RASEF: variants seen among roughly 807,000 people sequenced by gnomAD.
RASEF encodes the protein RAS and EF-hand domain containing.
Under a neutral mutation model 90.1 loss-of-function variants are expected in RASEF, and 68 were observed. That is an observed-to-expected ratio of 0.75 (90% confidence interval 0.62 to 0.92). The LOEUF (loss-of-function observed/expected upper bound fraction) is 0.92, where lower values mean the gene tolerates loss of function less well. RASEF is among the 40% of genes least tolerant of loss of function. The pLI is 0.00. For missense variants in RASEF, 949 were observed against 937.2 expected (o/e 1.01, Z -0.16); for synonymous variants, 331 against 345.2 (o/e 0.96, Z 0.46).
chr9:83,073,008 A>G, the RASEF span, among the ~76,000 whole-genome samples: 1 of 152,190 alleles, frequency 6.6e-6, no homozygotes, highest in East Asian at 1.9e-4. Context: ...AAGTAAAATC[A>G]CACAGCTAGT....
chr9:83,178,395 C>A, the RASEF span, among the ~76,000 whole-genome samples: 1 of 152,178 alleles, frequency 6.6e-6, no homozygotes, highest in Non-Finnish European at 1.5e-5. Flanking sequence ...ATTCCAGCCA[C>A]TCCCAGCCAT....
chr9:83,009,348 C>T (rs1035570970), intron 6 of RASEF, among the ~76,000 whole-genome samples: 1 of 152,140 alleles, frequency 6.6e-6, no homozygotes, highest in Non-Finnish European at 1.5e-5. Context: ...CTTCAAAACA[C>T]TTTAATAAGT....
the RASEF span, among the ~76,000 whole-genome samples, chr9:83,125,608 C>T: frequency 6.6e-6 from 1 of 152,058 alleles, no homozygotes; most frequent in Admixed American, 6.5e-5. Flanking sequence ...TTCTGAAATC[C>T]ACCACTCCCC....
At chr9:83,038,853 G>A (rs1343845203) in intron 1 of RASEF, among the ~76,000 whole-genome samples, 2 of 151,956 alleles carry the variant, frequency 1.3e-5, no homozygotes, top group Non-Finnish European at 2.9e-5. Context: ...CAATTCTATG[G>A]CCACTCTAGT....
chr9:83,038,596 TA>T (rs1232437357), intron 1 of RASEF, among the ~76,000 whole-genome samples: 1 of 152,178 alleles, frequency 6.6e-6, no homozygotes, highest in African/African-American at 2.4e-5. Context: ...ATTCCAGTAC[TA>T]TTTTGCACAT....
chr9:83,070,388 C>G, the RASEF span, among the ~76,000 whole-genome samples: 1 of 152,112 alleles, frequency 6.6e-6, no homozygotes, highest in Non-Finnish European at 1.5e-5. Flanking sequence ...ACACTATCCT[C>G]TCCCTGTTGA....
the RASEF span, among the ~76,000 whole-genome samples, chr9:83,178,591 C>T: frequency 6.6e-6 from 1 of 152,166 alleles, no homozygotes; most frequent in South Asian, 2.1e-4. Flanking sequence ...TAAGCTCCAG[C>T]ACCACGAATC....
intron 5 of RASEF, among the ~76,000 whole-genome samples, chr9:83,010,408 G>C (rs1255550599): frequency 6.6e-6 from 1 of 152,168 alleles, no homozygotes; most frequent in African/African-American, 2.4e-5. Context: ...TGACTTAAAT[G>C]CACTTCTAGA....
chr9:83,002,666 T>A (rs1201314924), intron 9 of RASEF, among the ~76,000 whole-genome samples: 1 of 152,030 alleles, frequency 6.6e-6, no homozygotes, highest in Non-Finnish European at 1.5e-5. Context: ...TATAATATAC[T>A]ACAAACTACT....
In RASEF at chr9:82,981,943, C is replaced by A. The variant is rs1256296734; in HGVS notation, c.*734G>T. The A allele has an allele frequency of 6.6e-6, 1 of 152,174 alleles. No individual in the cohort carries two copies. The highest frequency in any genetic ancestry group is 1.5e-5 in the Non-Finnish European group (1 of 68,028). The allele number at this position is 152,174 out of a possible 1,614,324, so 9.4% of individuals were successfully genotyped here. A position where few individuals can be genotyped will look rare whatever the true frequency, so the allele number is the denominator to read the frequency against. ...TTATGAAATATCCTTTTATATACAA[C>A]TATTTTTGTCTCAAACATGTTTCTT... is the stretch of plus-strand genomic sequence containing the variant. On this transcript the variant is annotated 3_prime_UTR_variant, in exon 17 of 17. Transcript: ENST00000376447.
At chr9:83,149,921 C>G in the RASEF span, among the ~76,000 whole-genome samples, 1 of 152,126 alleles carries the variant, frequency 6.6e-6, no homozygotes, top group Non-Finnish European at 1.5e-5. Flanking sequence ...CACTAACTAC[C>G]AGGACGTCAC....
At chr9:83,049,729 C>A in intron 1 of RASEF, among the ~76,000 whole-genome samples, 1 of 111,816 alleles carries the variant, frequency 8.9e-6, no homozygotes, top group Non-Finnish European at 1.7e-5. Flanking sequence ...GTGTGATATT[C>A]CCCTTCCTGT....
the RASEF span, among the ~76,000 whole-genome samples, chr9:83,123,257 A>AAG: frequency 6.6e-6 from 1 of 150,444 alleles, no homozygotes; most frequent in East Asian, 2.0e-4. Flanking sequence ...AAAAAAAAAA[A>AAG]GCAGCCAAGA....
chr9:83,171,964 G>T, the RASEF span, among the ~76,000 whole-genome samples: 1 of 151,544 alleles, frequency 6.6e-6, no homozygotes, highest in Non-Finnish European at 1.5e-5. Context: ...TGGATTTGGT[G>T]TGTTCCTGAT....
At chr9:82,994,839 A>G (rs1828882957) in intron 14 of RASEF, among the ~76,000 whole-genome samples, 1 of 152,010 alleles carries the variant, frequency 6.6e-6, no homozygotes, top group Non-Finnish European at 1.5e-5. Flanking sequence ...AAGTATATCA[A>G]TTATTAATTC....
At chr9:83,190,695 C>A in the RASEF span, among the ~76,000 whole-genome samples, 12 of 152,214 alleles carry the variant, frequency 7.9e-5, no homozygotes, top group Non-Finnish European at 1.3e-4. Flanking sequence ...AGGTTCCCAC[C>A]TGCATTAAAT....
the RASEF span, among the ~76,000 whole-genome samples, chr9:83,198,152 C>T: frequency 1.1e-4 from 16 of 152,158 alleles, no homozygotes; most frequent in African/African-American, 3.9e-4. Flanking sequence ...TACAGATCTA[C>T]AATATCAGGA....
At chr9:83,005,617 G>A (rs1255656574) in intron 7 of RASEF, 117 bp from the exon 8 acceptor site, 3 of 763,122 alleles carry the variant, frequency 3.9e-6, no homozygotes, top group African/African-American at 3.5e-5. Context: ...ATCATCTTCT[G>A]CAACTTTCCA....
the RASEF span, among the ~76,000 whole-genome samples, chr9:83,111,856 G>A: frequency 6.6e-6 from 1 of 151,852 alleles, no homozygotes; most frequent in Non-Finnish European, 1.5e-5. Flanking sequence ...AACAAATTTT[G>A]TAATTCTGAA....
Sources: gnomAD v4.1 joint callset for allele counts (sites outside exome capture counted in the v4.1 genomes callset) on GRCh38, gnomAD v4.1.1 for gene constraint, MANE v1.5 for transcripts, NCBI Gene and HGNC (gene_info 2026-07-23, HGNC 2026-07-21) for gene names.